ERG: variants seen among roughly 807,000 people sequenced by gnomAD.
ERG encodes the protein ETS transcription factor ERG.
A neutral mutation model predicts 55.3 loss-of-function variants in ERG; 9 were observed. The observed-to-expected ratio is 0.16, with a 90% CI of 0.10 to 0.28. ERG has a LOEUF of 0.28. Ranked by LOEUF, ERG falls within the 10% of genes least tolerant of loss-of-function variation. The pLI is 1.00. For synonymous variants in ERG, 223 were observed against 237.3 expected (o/e 0.94, Z 0.55); for missense variants, 434 against 631.6 (o/e 0.69, Z 3.35).
At chr21:38,451,694 C>A (rs2058943516) in intron 1 of ERG, among the ~76,000 whole-genome samples, 1 of 152,148 alleles carries the variant, frequency 6.6e-6, no homozygotes, top group South Asian at 2.1e-4. Context: ...ACAACACAAA[C>A]AAAATAGACA....
upstream of ERG, among the ~76,000 whole-genome samples, chr21:38,588,270 G>A (rs1017365751): frequency 2.0e-5 from 3 of 152,054 alleles, no homozygotes; most frequent in Admixed American, 1.3e-4. Context: ...GTCCAGCAAC[G>A]GCAGAAAGCC....
intron 8 of ERG, 112 bp downstream of exon 8, chr21:38,391,547 G>T: frequency 7.5e-6 from 7 of 929,436 alleles, no homozygotes; most frequent in Non-Finnish European, 1.2e-5. Flanking sequence ...TGGAGCTGTC[G>T]AAAAGAGGCA....
chr21:38,546,700 C>T (rs2059790341), intron 2 of ERG, among the ~76,000 whole-genome samples: 1 of 152,124 alleles, frequency 6.6e-6, no homozygotes, highest in Non-Finnish European at 1.5e-5. Flanking sequence ...GGTCCAGCTC[C>T]CAGGTCTCAT....
At chr21:38,453,882 C>CAAAAA (rs3065380) in intron 1 of ERG, among the ~76,000 whole-genome samples, 5 of 129,824 alleles carry the variant, frequency 3.9e-5, no homozygotes, top group East Asian at 4.6e-4. Flanking sequence ...AAAACTCCAT[C>CAAAAA]AAAAAAAAAA....
Position 38,535,990 on chromosome 21 carries a change from C to A in ERG, c.-41+39672G>T, listed in dbSNP as rs915562229. On this transcript the variant is annotated intron_variant, in intron 2 of 8. Transcript: ENST00000398897. ...CATCTCATCCTCTTTCCTCCTTTAC[C>A]CTGCCTAAGCAACCATTTCTGGACC... is the stretch of plus-strand genomic sequence containing the variant. Among the ~76,000 whole-genome samples, 44 of 152,068 alleles carry A rather than the reference C, an allele frequency of 2.9e-4. 1 individual carries two copies. Among genetic ancestry groups the A allele is most frequent in the Middle Eastern group, 6.3e-3 (2 of 316 alleles).
At chr21:38,646,088 A>C (rs2060454448) in intron 1 of ERG, among the ~76,000 whole-genome samples, 1 of 152,042 alleles carries the variant, frequency 6.6e-6, no homozygotes, top group Non-Finnish European at 1.5e-5. Flanking sequence ...AGACCAGCCT[A>C]GCCAACAGGA....
At chr21:38,459,803 A>G (rs1296139913) in intron 1 of ERG, among the ~76,000 whole-genome samples, 1 of 152,224 alleles carries the variant, frequency 6.6e-6, no homozygotes, top group Non-Finnish European at 1.5e-5. Flanking sequence ...CTGCTTCTAG[A>G]TTACATCCAT....
At chr21:38,369,900 G>T in the ERG span, among the ~76,000 whole-genome samples, 1 of 152,008 alleles carries the variant, frequency 6.6e-6, no homozygotes, top group Non-Finnish European at 1.5e-5. Flanking sequence ...GCTTGTTTTT[G>T]TCACTTTTGT....
At chr21:38,570,330 T>C (rs2059949716) in intron 2 of ERG, among the ~76,000 whole-genome samples, 1 of 152,250 alleles carries the variant, frequency 6.6e-6, no homozygotes, top group Non-Finnish European at 1.5e-5. Context: ...TGGTTAGGTA[T>C]GTATGTACCC....
chr21:38,632,624 T>G (rs1420619892), intron 1 of ERG, among the ~76,000 whole-genome samples: 1 of 152,226 alleles, frequency 6.6e-6, no homozygotes, highest in Non-Finnish European at 1.5e-5. Context: ...TCTCTCTCTC[T>G]CGCCTGCTGC....
At chr21:38,644,937 T>A (rs2060446968) in intron 1 of ERG, among the ~76,000 whole-genome samples, 1 of 152,076 alleles carries the variant, frequency 6.6e-6, no homozygotes, top group African/African-American at 2.4e-5. Flanking sequence ...AGGGAGCATC[T>A]CTTGAGCCCA....
At chr21:38,370,729 G>C in the ERG span, among the ~76,000 whole-genome samples, 1 of 151,900 alleles carries the variant, frequency 6.6e-6, no homozygotes, top group African/African-American at 2.4e-5. Flanking sequence ...TATCAAGTAT[G>C]CATATCTGTT....
intron 2 of ERG, among the ~76,000 whole-genome samples, chr21:38,517,350 GA>G (rs907918105): frequency 2.6e-5 from 4 of 151,560 alleles, no homozygotes; most frequent in East Asian, 1.9e-4. Flanking sequence ...TCAAGCATAT[GA>G]AAAAAAATAC....
chr21:38,381,472 C>A lies in ERG; in HGVS notation c.*1931G>T. 1 of 1,063,284 alleles carries A rather than the reference C, an allele frequency of 9.4e-7. No individual in the cohort carries two copies. The highest frequency in any genetic ancestry group is 4.6e-5 in the South Asian group (1 of 21,956). The allele number at this position is 1,063,284 out of a possible 1,614,324, so 65.9% of individuals were successfully genotyped here. ...GGCTAGTGAATCCCAAGCCACAGTG[C>A]CCAGGTAACTCTGATGTAGCAGGAC... On this transcript the variant is annotated 3_prime_UTR_variant, in exon 10 of 10. Coordinates refer to ENST00000288319, the MANE Select transcript of ERG (RefSeq NM_182918.4).
intron 1 of ERG, among the ~76,000 whole-genome samples, chr21:38,467,490 TGGA>T (rs1280128996): frequency 2.0e-5 from 3 of 151,994 alleles, no homozygotes; most frequent in Non-Finnish European, 4.4e-5. Flanking sequence ...TCTGCGGGTG[TGGA>T]GGAGGAGGAG....
intron 6 of ERG, among the ~76,000 whole-genome samples, chr21:38,398,904 C>A (rs1268821434): frequency 6.6e-6 from 1 of 152,142 alleles, no homozygotes; most frequent in Non-Finnish European, 1.5e-5. Flanking sequence ...TTAACATAAA[C>A]AAACAAATAC....
At chr21:38,453,753 G>C (rs1004892701) in intron 1 of ERG, among the ~76,000 whole-genome samples, 2 of 151,942 alleles carry the variant, frequency 1.3e-5, no homozygotes, top group African/African-American at 4.8e-5. Flanking sequence ...GTGTGGTGGT[G>C]TGCACCTGCA....
Position 38,532,478 on chromosome 21 carries a change from A to G in ERG, c.-41+43184T>C, listed in dbSNP as rs181667344. 1.1e-4 allele frequency among the ~76,000 whole-genome samples: 16 copies of G among 152,354 alleles called. 1 individual carries two copies. The highest frequency in any genetic ancestry group is 3.8e-4 in the African/African-American group (16 of 41,592). On this transcript the variant is annotated intron_variant, in intron 2 of 8. Coordinates refer to the ERG transcript ENST00000398897. ...CCTTGACACCTTGTGTTATCCCATC[A>G]TCTAAAGCAATTCTAGTTTGGAAAC...
At chr21:38,614,029 C>G (rs2060244508) in intron 1 of ERG, among the ~76,000 whole-genome samples, 1 of 152,114 alleles carries the variant, frequency 6.6e-6, no homozygotes. Flanking sequence ...GATCATCCCA[C>G]TCCACTCGTT....
Sources: allele counts gnomAD v4.1 joint callset (sites outside exome capture counted in the v4.1 genomes callset), GRCh38; gene constraint gnomAD v4.1.1; transcripts MANE v1.5; gene names NCBI Gene and HGNC (gene_info 2026-07-23, HGNC 2026-07-21).